LMNTD1: variants seen among roughly 807,000 people sequenced by gnomAD.
LMNTD1 encodes lamin tail domain-containing protein 1.
In LMNTD1, 35 loss-of-function variants were observed where a neutral mutation model predicts 50.9. The ratio of observed to expected loss-of-function variants is 0.69; its 90% confidence interval spans 0.53 to 0.91. The LOEUF (loss-of-function observed/expected upper bound fraction) is 0.91, where lower values mean the gene tolerates loss of function less well. LMNTD1 is among the 40% of genes least tolerant of loss of function. The pLI is 0.00. For missense variants in LMNTD1, 470 were observed against 475.5 expected (o/e 0.99, Z 0.11); for synonymous variants, 153 against 161.9 (o/e 0.94, Z 0.42).
intron 1 of LMNTD1, among the ~76,000 whole-genome samples, chr12:25,602,038 G>A (rs1033776123): frequency 2.0e-5 from 3 of 151,824 alleles, no homozygotes; most frequent in African/African-American, 7.2e-5. Flanking sequence ...TAGAAACCAT[G>A]TTTTAGGTAA....
At chr12:25,625,269 A>G (rs1946563801) in intron 1 of LMNTD1, among the ~76,000 whole-genome samples, 1 of 152,146 alleles carries the variant, frequency 6.6e-6, no homozygotes, top group Non-Finnish European at 1.5e-5. Flanking sequence ...ATCCTGCCTC[A>G]TCCTTGGTTT....
At chr12:25,629,716 T>C (rs1946671572) in intron 1 of LMNTD1, among the ~76,000 whole-genome samples, 3 of 152,296 alleles carry the variant, frequency 2.0e-5, no homozygotes, top group African/African-American at 4.8e-5. Context: ...GAAATTTTGA[T>C]AGTGAGCAAT....
At chr12:25,517,879 G>T (rs1940928668) in intron 8 of LMNTD1, among the ~76,000 whole-genome samples, 1 of 151,868 alleles carries the variant, frequency 6.6e-6, no homozygotes, top group Non-Finnish European at 1.5e-5. Flanking sequence ...TTAACACAAT[G>T]GTTGTCATAT....
chr12:25,632,568 A>T (rs1946742620), intron 1 of LMNTD1, among the ~76,000 whole-genome samples: 2 of 152,216 alleles, frequency 1.3e-5, no homozygotes, highest in Admixed American at 1.3e-4. Flanking sequence ...TGAAGGAAAG[A>T]TACAGTCTTT....
At chr12:25,522,189 T>C (rs1941365226) in intron 6 of LMNTD1, among the ~76,000 whole-genome samples, 1 of 143,918 alleles carries the variant, frequency 6.9e-6, no homozygotes, top group Non-Finnish European at 1.6e-5. Flanking sequence ...TCATAGATTA[T>C]GGCAAAAAAA....
intron 9 of LMNTD1, among the ~76,000 whole-genome samples, chr12:25,496,374 C>G (rs1939067973): frequency 6.6e-6 from 1 of 152,176 alleles, no homozygotes; most frequent in Non-Finnish European, 1.5e-5. Flanking sequence ...CTGCTAGTCT[C>G]CTCAAAACAT....
At chr12:25,576,735 C>T (rs1945036139) in intron 1 of LMNTD1, among the ~76,000 whole-genome samples, 1 of 152,136 alleles carries the variant, frequency 6.6e-6, no homozygotes, top group Non-Finnish European at 1.5e-5. Flanking sequence ...TGTTGCCATG[C>T]TTTTGGTGTT....
At chr12:25,477,177 A>G (rs1938297469) in intron 9 of LMNTD1, among the ~76,000 whole-genome samples, 1 of 152,186 alleles carries the variant, frequency 6.6e-6, no homozygotes, top group South Asian at 2.1e-4. Context: ...TTACATTATT[A>G]TTATTTTTTA....
chr12:25,520,145 C>CATATAT (rs71065950), intron 6 of LMNTD1, 70 bp from the exon 7 acceptor site: 2,561 of 233,802 alleles, frequency 0.011, 53 homozygotes, highest in African/African-American at 0.023. Flanking sequence ...ATGAGATATA[C>CATATAT]ATATATATAT....
chr12:25,564,306 T>C (rs1944458886), intron 1 of LMNTD1, among the ~76,000 whole-genome samples: 1 of 152,232 alleles, frequency 6.6e-6, no homozygotes, highest in Non-Finnish European at 1.5e-5. Context: ...TCACCCAGGC[T>C]GGAGGGCAGT....
chr12:25,567,409 T>C (rs1262997036), intron 1 of LMNTD1, among the ~76,000 whole-genome samples: 1 of 152,208 alleles, frequency 6.6e-6, no homozygotes, highest in Admixed American at 6.5e-5. Flanking sequence ...CACTACTATA[T>C]AGCTATTATT....
intron 3 of LMNTD1, among the ~76,000 whole-genome samples, chr12:25,548,746 T>C (rs1481452639): frequency 2.0e-5 from 3 of 151,970 alleles, no homozygotes; most frequent in Admixed American, 1.3e-4. Context: ...CCCTAGAGCA[T>C]GGGTATTGCT....
At chr12:25,599,150 T>A (rs1343429307) in intron 1 of LMNTD1, among the ~76,000 whole-genome samples, 1 of 152,044 alleles carries the variant, frequency 6.6e-6, no homozygotes, top group Non-Finnish European at 1.5e-5. Context: ...GATACAAGGA[T>A]GGTTCAATAT....
At chr12:25,581,089 T>C (rs1011010884) in intron 1 of LMNTD1, among the ~76,000 whole-genome samples, 4 of 152,170 alleles carry the variant, frequency 2.6e-5, no homozygotes, top group African/African-American at 9.7e-5. Context: ...AAAAGGCAGA[T>C]AAGGCTTATA....
At chr12:25,582,374 T>G (rs976519296) in intron 1 of LMNTD1, 1 of 152,228 alleles carries the variant, frequency 6.6e-6, no homozygotes, top group African/African-American at 2.4e-5. Flanking sequence ...TCAGCTGTTA[T>G]TTTTCATACC....
intron 1 of LMNTD1, among the ~76,000 whole-genome samples, chr12:25,558,719 G>A (rs551294699): frequency 1.3e-5 from 2 of 152,132 alleles, no homozygotes; most frequent in Non-Finnish European, 2.9e-5. Flanking sequence ...CTCACATGGC[G>A]GCAGGCAAGA....
chr12:25,602,037 T>C (rs1311160805), intron 1 of LMNTD1, among the ~76,000 whole-genome samples: 1 of 151,926 alleles, frequency 6.6e-6, no homozygotes, highest in Non-Finnish European at 1.5e-5. Flanking sequence ...TTAGAAACCA[T>C]GTTTTAGGTA....
chr12:25,561,319 T>C (rs1049532718), intron 1 of LMNTD1, among the ~76,000 whole-genome samples: 25 of 152,340 alleles, frequency 1.6e-4, no homozygotes, highest in African/African-American at 5.1e-4. Context: ...TTTAAATGTG[T>C]CCCAGAGATT....
chr12:25,577,964 G>T (rs1945105340), intron 1 of LMNTD1, among the ~76,000 whole-genome samples: 1 of 152,084 alleles, frequency 6.6e-6, no homozygotes. Context: ...TAATCCCACT[G>T]GACTGAATCC....
Sources: gnomAD v4.1 joint callset for allele counts (sites outside exome capture counted in the v4.1 genomes callset) on GRCh38, gnomAD v4.1.1 for gene constraint, MANE v1.5 for transcripts, NCBI Gene and HGNC (gene_info 2026-07-23, HGNC 2026-07-21) for gene names.